The following POLE2 variants were observed in gnomAD, a reference collection of about 807,000 sequenced individuals.
POLE2 encodes DNA polymerase epsilon 2, accessory subunit, also known as DNA polymerase epsilon subunit 2.
Under a neutral mutation model 79.4 loss-of-function variants are expected in POLE2, and 56 were observed. That is an observed-to-expected ratio of 0.71 (90% CI 0.57 to 0.88). The LOEUF is 0.88. POLE2 is among the 40% of genes least tolerant of loss of function. The probability of loss-of-function intolerance (pLI) is 0.00; values close to 1 mark genes in which losing one functional copy is unlikely to be tolerated. For missense variants in POLE2, 598 were observed against 638.9 expected (o/e 0.94, Z 0.69); for synonymous variants, 212 against 214.0 (o/e 0.99, Z 0.08).
Position 49,679,963 on chromosome 14 carries a change from C to G in POLE2, c.170-163G>C, listed in dbSNP as rs145310582. 2.5e-3 allele frequency among the ~76,000 whole-genome samples: 382 copies of G among 152,220 alleles called. 3 individuals are homozygous for G. Among genetic ancestry groups the G allele is most frequent in the African/African-American group, 9.0e-3 (373 of 41,536 alleles). On this transcript the variant is annotated intron_variant, in intron 2 of 18. Transcript: ENST00000216367. ...GTTAGGTCAGAACAATAACAAAAGC[C>G]TTATCTCAAATACCTTCATTTTCCA...
chr14:49,655,242 C>T, intron 11 of POLE2, 148 bp from the exon 12 acceptor site: 1 of 314,234 alleles, frequency 3.2e-6, no homozygotes, highest in Non-Finnish European at 5.8e-6. Context: ...ATAACAGTAG[C>T]CATTCATTGA....
At chr14:49,646,373 A>G (rs2139599899) in intron 18 of POLE2, among the ~76,000 whole-genome samples, 1 of 128,308 alleles carries the variant, frequency 7.8e-6, no homozygotes, top group East Asian at 2.6e-4. Flanking sequence ...GCTGGAGTGC[A>G]GTGGCGCCAT....
intron 2 of POLE2, among the ~76,000 whole-genome samples, chr14:49,680,581 T>C (rs1414987462): frequency 2.0e-5 from 3 of 152,156 alleles, no homozygotes; most frequent in African/African-American, 2.4e-5. Context: ...ATCTTATAGA[T>C]AGGGAAAATA....
intron 10 of POLE2, among the ~76,000 whole-genome samples, chr14:49,656,305 G>A (rs1373094531): frequency 1.3e-5 from 2 of 150,280 alleles, no homozygotes; most frequent in African/African-American, 4.9e-5. Context: ...GCAGTGAGCC[G>A]AGATTGCGCC....
chr14:49,674,485 G>T, intron 3 of POLE2, 58 bp from the exon 4 acceptor site: 1 of 980,114 alleles, frequency 1.0e-6, no homozygotes, highest in South Asian at 1.4e-5. Context: ...TACTCTAGGT[G>T]AACATGATAA....
At chr14:49,684,843 G>T (rs1312293523) in intron 1 of POLE2, among the ~76,000 whole-genome samples, 2 of 152,056 alleles carry the variant, frequency 1.3e-5, no homozygotes, top group African/African-American at 2.4e-5. Context: ...CAGGCATGGT[G>T]GCGGGCGCCG....
At chr14:49,686,125 A>C (rs1163531240) in intron 1 of POLE2, among the ~76,000 whole-genome samples, 1 of 152,020 alleles carries the variant, frequency 6.6e-6, no homozygotes, top group Non-Finnish European at 1.5e-5. Flanking sequence ...GCCCCTAATA[A>C]TCCATTACTC....
At chr14:49,686,161 C>T (rs775153774) in intron 1 of POLE2, among the ~76,000 whole-genome samples, 3 of 152,168 alleles carry the variant, frequency 2.0e-5, no homozygotes, top group African/African-American at 7.2e-5. Context: ...ATGTAATCCC[C>T]TGCCCTTAAG....
At chr14:49,684,850 G>T (rs1028887549) in intron 1 of POLE2, among the ~76,000 whole-genome samples, 1 of 151,952 alleles carries the variant, frequency 6.6e-6, no homozygotes, top group Admixed American at 6.6e-5. Context: ...GGTGGCGGGC[G>T]CCGGTAGTCC....
intron 5 of POLE2, among the ~76,000 whole-genome samples, chr14:49,671,273 G>A (rs1433900223): frequency 6.6e-6 from 1 of 152,122 alleles, no homozygotes; most frequent in African/African-American, 2.4e-5. Flanking sequence ...CTGATCACAG[G>A]GATAAGCACC....
chr14:49,670,158 A>C (rs1000429555), intron 5 of POLE2, among the ~76,000 whole-genome samples: 12 of 151,946 alleles, frequency 7.9e-5, no homozygotes, highest in African/African-American at 2.9e-4. Flanking sequence ...TCTACCAAAA[A>C]TACAAAAATT....
intron 10 of POLE2, among the ~76,000 whole-genome samples, chr14:49,656,990 A>G (rs1884727550): frequency 1.3e-5 from 2 of 151,972 alleles, no homozygotes; most frequent in African/African-American, 2.4e-5. Flanking sequence ...GCAGGCACCT[A>G]TAATTCCAGC....
chr14:49,650,665 A>G (rs1884155567), intron 16 of POLE2, among the ~76,000 whole-genome samples: 1 of 152,200 alleles, frequency 6.6e-6, no homozygotes, highest in Admixed American at 6.5e-5. Flanking sequence ...TTAATAACAT[A>G]TACATCATTA....
chr14:49,655,592 G>C lies in POLE2; in HGVS notation c.928+79C>G. 5.4e-6 allele frequency: 5 copies of C among 918,832 alleles called. 1 individual carries two copies. The highest frequency in any genetic ancestry group is 8.4e-6 in the Non-Finnish European group (5 of 594,114). The allele number at this position is 918,832 out of a possible 1,614,324, so 56.9% of individuals were successfully genotyped here. A position where few individuals can be genotyped will look rare whatever the true frequency, so the allele number is the denominator to read the frequency against. On this transcript the variant is annotated intron_variant, in intron 11 of 18. Transcript: ENST00000216367. ...TTTTTTTAAATAGAATACTCAAAAAGATAAATAGAATACTCAAAAAGTTTT... is the reference window on the plus strand; with the variant it reads ...TTTTTTTAAATAGAATACTCAAAAACATAAATAGAATACTCAAAAAGTTTT...
At chr14:49,652,703 C>T (rs937431800) in intron 15 of POLE2, among the ~76,000 whole-genome samples, 3 of 151,992 alleles carry the variant, frequency 2.0e-5, no homozygotes, top group South Asian at 2.1e-4. Context: ...CAGATGGGAC[C>T]GTCTGGTTTC....
chr14:49,658,278 G>GT (rs1884852399), intron 10 of POLE2, among the ~76,000 whole-genome samples: 1 of 151,996 alleles, frequency 6.6e-6, no homozygotes, highest in Admixed American at 6.6e-5. Context: ...GGGTTTCATC[G>GT]TGTTAGCCAG....
At chr14:49,665,299 C>T in intron 7 of POLE2, 136 bp from the exon 8 acceptor site, 1 of 589,906 alleles carries the variant, frequency 1.7e-6, no homozygotes, top group Middle Eastern at 4.6e-4. Flanking sequence ...ATTTCTAGTC[C>T]AGGCTCTTCC....
chr14:49,669,688 TAAAC>T, intron 5 of POLE2, 90 bp from the exon 6 acceptor site: 1 of 691,256 alleles, frequency 1.4e-6, no homozygotes, highest in Admixed American at 2.5e-5. Context: ...ACACTGTCCT[TAAAC>T]TAATGTCACT....
chr14:49,658,076 CTTT>C (rs745935612), intron 10 of POLE2, among the ~76,000 whole-genome samples: 3 of 144,432 alleles, frequency 2.1e-5, no homozygotes, highest in African/African-American at 5.1e-5. Context: ...CTCTGGTCAT[CTTT>C]TTTTTTTTTT....
Sources: allele counts gnomAD v4.1 joint callset (sites outside exome capture counted in the v4.1 genomes callset), GRCh38; gene constraint gnomAD v4.1.1; transcripts MANE v1.5; gene names NCBI Gene and HGNC (gene_info 2026-07-23, HGNC 2026-07-21).